Variants in PTPRN2 observed in about 807,000 individuals in gnomAD.
PTPRN2 encodes receptor-type tyrosine-protein phosphatase N2.
Under a neutral mutation model 118.8 loss-of-function variants are expected in PTPRN2, and 74 were observed. The observed-to-expected ratio is 0.62, with a 90% CI of 0.52 to 0.76. The LOEUF (loss-of-function observed/expected upper bound fraction) is 0.76, where lower values mean the gene tolerates loss of function less well. Among genes scored for constraint, PTPRN2 ranks in the 30% least tolerant of loss-of-function variants. The probability of loss-of-function intolerance (pLI) is 0.00; values close to 1 mark genes in which losing one functional copy is unlikely to be tolerated. For synonymous variants in PTPRN2, 641 were observed against 608.0 expected (o/e 1.05, Z -0.80); for missense variants, 1,481 against 1,394.4 (o/e 1.06, Z -0.99).
At chr7:158,221,158 A>T (rs1828336615) in intron 3 of PTPRN2, among the ~76,000 whole-genome samples, 1 of 152,206 alleles carries the variant, frequency 6.6e-6, no homozygotes. Flanking sequence ...ATAGCTGGTT[A>T]GCCGTATGCA....
intron 11 of PTPRN2, among the ~76,000 whole-genome samples, chr7:158,017,322 G>C (rs929511706): frequency 4.6e-5 from 7 of 152,122 alleles, no homozygotes; most frequent in Admixed American, 1.3e-4. Flanking sequence ...GGCTTCCCAG[G>C]GAGTCCAGTG....
rs376060193 is a variant in PTPRN2, at chr7:157,982,121, G to T, written c.1724-83384C>A. Among the ~76,000 whole-genome samples the T allele has an allele frequency of 2.1e-4, 26 of 125,744 alleles. No individual in the cohort carries two copies. In the East Asian group the frequency reaches 4.5e-3, roughly 22 times the overall value. 82.5% of individuals were successfully genotyped at this position (125,744 alleles called of 152,430 possible). A position where few individuals can be genotyped will look rare whatever the true frequency, so the allele number is the denominator to read the frequency against. On this transcript the variant is annotated intron_variant, in intron 11 of 22. Coordinates refer to ENST00000389418, the MANE Select transcript of PTPRN2 (RefSeq NM_002847.5). ...CCCCGAGTCACAGAGACAAGGAGGG[G>T]AATGCAGAGTGCAGCGTCCCCCATA...
At chr7:158,140,535 A>T (rs1306934457) in intron 6 of PTPRN2, among the ~76,000 whole-genome samples, 2 of 152,158 alleles carry the variant, frequency 1.3e-5, no homozygotes, top group African/African-American at 4.8e-5. Flanking sequence ...CACAGAGACG[A>T]GAAGGGGGAC....
At chr7:158,256,975 G>C (rs1797060915) in intron 3 of PTPRN2, among the ~76,000 whole-genome samples, 1 of 152,148 alleles carries the variant, frequency 6.6e-6, no homozygotes, top group Non-Finnish European at 1.5e-5. Context: ...GGGAGCTTGG[G>C]TTTCAGAAGA....
chr7:157,671,368 C>T lies in PTPRN2; in HGVS notation c.2001+11357G>A, dbSNP rs537126973. On this transcript the variant is annotated intron_variant, in intron 13 of 22. Coordinates refer to ENST00000389418, the MANE Select transcript of PTPRN2 (RefSeq NM_002847.5). The surrounding 1 kb of genome is among the most constrained non-coding windows in gnomAD (Gnocchi z 4.1). The stretch of plus-strand genomic sequence containing the variant: ...TGGAGGGATGGTGACGAGACGTCAC[C>T]GCAGAGGCGGCAGAAGGGATAAAGG... 7.2e-5 allele frequency among the ~76,000 whole-genome samples: 11 copies of T among 152,220 alleles called. No homozygotes were observed. Among genetic ancestry groups the T allele is most frequent in the East Asian group, 3.9e-4 (2 of 5,168 alleles).
At chr7:158,566,884 T>C (rs959909552) in intron 1 of PTPRN2, among the ~76,000 whole-genome samples, 39 of 152,084 alleles carry the variant, frequency 2.6e-4, no homozygotes, top group Admixed American at 1.9e-3. Context: ...CCAAGCAAAT[T>C]TTTGTATTTT....
intron 12 of PTPRN2, among the ~76,000 whole-genome samples, chr7:157,795,760 C>T (rs893816884): frequency 2.9e-4 from 44 of 152,270 alleles, no homozygotes; most frequent in African/African-American, 8.4e-4. Context: ...AGGCGGGAGG[C>T]GGGAGGTGGA....
intron 10 of PTPRN2, among the ~76,000 whole-genome samples, chr7:158,083,234 C>T (rs866105811): frequency 2.0e-4 from 30 of 152,278 alleles, no homozygotes; most frequent in South Asian, 4.1e-4. Context: ...ATTTCTGCCA[C>T]GGCCTCACCC....
chr7:158,326,027 A>G (rs533100926), intron 2 of PTPRN2, among the ~76,000 whole-genome samples: 2 of 152,284 alleles, frequency 1.3e-5, no homozygotes, highest in East Asian at 3.9e-4. Context: ...GCCTAGAAAC[A>G]GCAACGTTGC....
At chr7:157,866,585 A>G (rs1408686872) in intron 12 of PTPRN2, among the ~76,000 whole-genome samples, 2 of 152,044 alleles carry the variant, frequency 1.3e-5, no homozygotes, top group Non-Finnish European at 2.9e-5. Flanking sequence ...AAACACGTCC[A>G]TAGAGGTGGA....
intron 14 of PTPRN2, among the ~76,000 whole-genome samples, chr7:157,641,799 T>G (rs1804682657): frequency 6.6e-6 from 1 of 152,140 alleles, no homozygotes; most frequent in Non-Finnish European, 1.5e-5. Context: ...AATGTCGACT[T>G]TTCGGGTTCA....
intron 5 of PTPRN2, among the ~76,000 whole-genome samples, chr7:158,169,777 C>T (rs1225051442): frequency 6.6e-6 from 1 of 152,016 alleles, no homozygotes; most frequent in Admixed American, 6.5e-5. Flanking sequence ...CTGCAACCTC[C>T]ACCTCTGGGG....
chr7:157,776,013 G>A (rs1803191355), intron 12 of PTPRN2, among the ~76,000 whole-genome samples: 1 of 151,788 alleles, frequency 6.6e-6, no homozygotes, highest in African/African-American at 2.4e-5. Flanking sequence ...TGTACTCGGA[G>A]GTGGGCAAGG....
At chr7:158,275,405 G>A (rs535380941) in intron 3 of PTPRN2, among the ~76,000 whole-genome samples, 5 of 152,228 alleles carry the variant, frequency 3.3e-5, no homozygotes, top group African/African-American at 9.6e-5. Context: ...CCTAGAGTTC[G>A]GCTATTTTTC....
intron 1 of PTPRN2, among the ~76,000 whole-genome samples, chr7:158,521,714 C>CGGG (rs1824076335): frequency 2.1e-5 from 2 of 97,370 alleles, no homozygotes; most frequent in Non-Finnish European, 4.2e-5. Flanking sequence ...GGTAGTGGCT[C>CGGG]AGGAGGGAGG....
rs1865462 is a variant in PTPRN2, at chr7:157,845,270, C to T, written c.1788+53403G>A. On this transcript the variant is annotated intron_variant, in intron 12 of 22. Transcript: ENST00000389418. This position sits in a 1 kb window ranked among gnomAD's most constrained non-coding sequence, Gnocchi z 4.5. ...AGGAAAAAAATGCATGGCAGATACT[C>T]GATGGCCTTTCTGTCCTCCCTGCAC... Among the ~76,000 whole-genome samples, 9,617 of 152,276 alleles carry T rather than the reference C, an allele frequency of 0.063. 351 individuals are homozygous for T. Among genetic ancestry groups the T allele is most frequent in the African/African-American group, 0.08 (3,320 of 41,546 alleles).
chr7:158,270,841 TCACCTGGACCGC>T (rs1798354028), intron 3 of PTPRN2, among the ~76,000 whole-genome samples: 2 of 4,596 alleles, frequency 4.4e-4, no homozygotes, highest in African/African-American at 2.3e-3. Flanking sequence ...GATGACCCCC[TCACCTGGACCGC>T]CCCCCCACCT....
At chr7:158,369,299 A>G (rs945254844) in intron 2 of PTPRN2, among the ~76,000 whole-genome samples, 1 of 150,584 alleles carries the variant, frequency 6.6e-6, no homozygotes, top group Non-Finnish European at 1.5e-5. Flanking sequence ...ACATATATAT[A>G]CCTATAAAGT....
At chr7:158,365,057 A>G (rs1809327393) in intron 2 of PTPRN2, among the ~76,000 whole-genome samples, 1 of 152,134 alleles carries the variant, frequency 6.6e-6, no homozygotes, top group South Asian at 2.1e-4. Flanking sequence ...CCCTAAAGTC[A>G]TGGTCAAATT....
Sources: gnomAD v4.1 joint callset for allele counts (sites outside exome capture counted in the v4.1 genomes callset) on GRCh38, gnomAD v4.1.1 for gene constraint, Gnocchi (gnomAD v3.1) non-coding constraint, MANE v1.5 for transcripts, NCBI Gene and HGNC (gene_info 2026-07-23, HGNC 2026-07-21) for gene names.